Variants in SLC14A2 observed in about 807,000 individuals in gnomAD.
SLC14A2 encodes solute carrier family 14 member 2, also known as urea transporter 2.
A neutral mutation model predicts 104.6 loss-of-function variants in SLC14A2; 91 were observed. That is an observed-to-expected ratio of 0.87 (90% CI 0.73 to 1.04). SLC14A2 has a LOEUF of 1.04. Among genes scored for constraint, SLC14A2 ranks in the 50% least tolerant of loss-of-function variants. The pLI is 0.00. For missense variants in SLC14A2, 1,189 were observed against 1,156.0 expected (o/e 1.03, Z -0.41); for synonymous variants, 476 against 466.4 (o/e 1.02, Z -0.27).
intron 1 of SLC14A2, among the ~76,000 whole-genome samples, chr18:45,378,076 C>G (rs1451990393): frequency 6.6e-6 from 1 of 152,186 alleles, no homozygotes; most frequent in Non-Finnish European, 1.5e-5. Context: ...CCAGTGTAAT[C>G]TCTATCTCCT....
At chr18:45,469,635 G>T (rs978097626) in intron 1 of SLC14A2, among the ~76,000 whole-genome samples, 6 of 152,184 alleles carry the variant, frequency 3.9e-5, no homozygotes, top group Non-Finnish European at 7.3e-5. Flanking sequence ...TGTTTCCTGT[G>T]CCTGGTGGGG....
chr18:45,405,896 C>CAA lies in SLC14A2; in HGVS notation c.-124-77337_-124-77336insAA, dbSNP rs1445870173. Among the ~76,000 whole-genome samples the CAA allele has an allele frequency of 9.5e-5, 7 of 74,000 alleles. 1 individual carries two copies. The highest frequency in any genetic ancestry group is 0.018 in the Middle Eastern group (2 of 112). The allele number at this position is 74,000 out of a possible 152,430, so 48.5% of individuals were successfully genotyped here. A position where few individuals can be genotyped will look rare whatever the true frequency, so the allele number is the denominator to read the frequency against. ...CCTGTGCGACAGGGAGACTCCATCT[C>CAA]GAAAAAAAAAAAAAAAAAATGCTAA... On this transcript the variant is annotated intron_variant, in intron 1 of 20. Coordinates refer to the SLC14A2 transcript ENST00000586448.
At chr18:45,315,949 C>T (rs1462038116) in intron 1 of SLC14A2, among the ~76,000 whole-genome samples, 2 of 152,138 alleles carry the variant, frequency 1.3e-5, no homozygotes, top group Non-Finnish European at 2.9e-5. Flanking sequence ...GGGAGGGGGA[C>T]CCCATGAATT....
intron 2 of SLC14A2, among the ~76,000 whole-genome samples, chr18:45,494,585 A>G (rs573928984): frequency 6.6e-6 from 1 of 151,874 alleles, no homozygotes; most frequent in South Asian, 2.1e-4. Flanking sequence ...TTTTTTAAAT[A>G]GCGACAGGGT....
At chr18:45,254,043 C>T (rs530310393) in intron 1 of SLC14A2, among the ~76,000 whole-genome samples, 72 of 152,226 alleles carry the variant, frequency 4.7e-4, no homozygotes, top group Non-Finnish European at 9.1e-4. Context: ...CCCTAGGGGT[C>T]ATCCAGGCAC....
chr18:45,529,053 G>GC (rs1336929703), intron 2 of SLC14A2: 2 of 152,232 alleles, frequency 1.3e-5, no homozygotes, highest in East Asian at 3.9e-4. Flanking sequence ...ACACCTTCCA[G>GC]CCCTACCATC....
At chr18:45,230,453 T>A (rs73423894) in intron 1 of SLC14A2, among the ~76,000 whole-genome samples, 11,056 of 152,246 alleles carry the variant, frequency 0.073, 470 homozygotes, top group African/African-American at 0.11. Flanking sequence ...TGACATTGCA[T>A]CTGTCTATTC....
intron 2 of SLC14A2, among the ~76,000 whole-genome samples, chr18:45,579,337 A>G (rs1003253662): frequency 3.9e-5 from 6 of 152,206 alleles, no homozygotes; most frequent in Admixed American, 3.9e-4. Context: ...GAGATTACAA[A>G]TATAGAGATC....
intron 2 of SLC14A2, among the ~76,000 whole-genome samples, chr18:45,599,494 G>GACTT (rs1444705080): frequency 6.6e-6 from 1 of 152,216 alleles, no homozygotes; most frequent in African/African-American, 2.4e-5. Flanking sequence ...AGTCAGTCAG[G>GACTT]ACTTAGGAAG....
At chr18:45,485,898 C>T (rs893212416) in intron 2 of SLC14A2, among the ~76,000 whole-genome samples, 14 of 152,252 alleles carry the variant, frequency 9.2e-5, no homozygotes, top group African/African-American at 2.2e-4. Context: ...GACCAGCCCC[C>T]GGCCCCAGAC....
the SLC14A2 span, among the ~76,000 whole-genome samples, chr18:45,186,507 A>T: frequency 6.6e-6 from 1 of 152,262 alleles, no homozygotes; most frequent in South Asian, 2.1e-4. Flanking sequence ...GTAGGGGAAA[A>T]CTCTAGAGAC....
At chr18:45,181,831 T>G in the SLC14A2 span, among the ~76,000 whole-genome samples, 8 of 152,128 alleles carry the variant, frequency 5.3e-5, no homozygotes, top group Non-Finnish European at 8.8e-5. Flanking sequence ...GACTCTTTAT[T>G]AAGTAGATTA....
chr18:45,204,215 TG>T, the SLC14A2 span, among the ~76,000 whole-genome samples: 1 of 152,180 alleles, frequency 6.6e-6, no homozygotes, highest in Admixed American at 6.5e-5. Context: ...TTGGGACAGA[TG>T]AAAATCAACC....
intron 1 of SLC14A2, among the ~76,000 whole-genome samples, chr18:45,335,949 G>A (rs994137259): frequency 2.6e-5 from 4 of 152,150 alleles, no homozygotes; most frequent in Non-Finnish European, 5.9e-5. Flanking sequence ...AGCTTAATGG[G>A]GCGATAACGA....
At chr18:45,479,264 C>T (rs1453500588) in intron 1 of SLC14A2, among the ~76,000 whole-genome samples, 1 of 152,092 alleles carries the variant, frequency 6.6e-6, no homozygotes, top group Non-Finnish European at 1.5e-5. Flanking sequence ...ATCTCTAGCA[C>T]CTAACGCTAT....
chr18:45,443,235 A>G (rs145649847), intron 1 of SLC14A2, among the ~76,000 whole-genome samples: 1 of 152,340 alleles, frequency 6.6e-6, no homozygotes, highest in African/African-American at 2.4e-5. Context: ...AGGCATATAA[A>G]TGTGTGTGAT....
At chr18:45,653,429 T>C (rs2045774161) in intron 10 of SLC14A2, among the ~76,000 whole-genome samples, 1 of 152,126 alleles carries the variant, frequency 6.6e-6, no homozygotes, top group Non-Finnish European at 1.5e-5. Flanking sequence ...GTTTTGCTTC[T>C]GAACCTGGGT....
the SLC14A2 span, among the ~76,000 whole-genome samples, chr18:45,168,421 T>C: frequency 6.6e-6 from 1 of 152,226 alleles, no homozygotes; most frequent in Non-Finnish European, 1.5e-5. Flanking sequence ...TGTAAAACAC[T>C]GAGTGCCTCA....
chr18:45,233,894 T>C (rs1318701035), intron 1 of SLC14A2, among the ~76,000 whole-genome samples: 1 of 151,750 alleles, frequency 6.6e-6, no homozygotes, highest in Non-Finnish European at 1.5e-5. Flanking sequence ...TGCCTCTGTG[T>C]TTTTTTGGGC....
Sources: allele counts gnomAD v4.1 joint callset (sites outside exome capture counted in the v4.1 genomes callset), GRCh38; gene constraint gnomAD v4.1.1; transcripts MANE v1.5; gene names NCBI Gene and HGNC (gene_info 2026-07-23, HGNC 2026-07-21).